Variants in DMTF1 observed in about 807,000 individuals in gnomAD.
The protein encoded by DMTF1 is cyclin D binding myb like transcription factor 1, also known as cyclin-D-binding Myb-like transcription factor 1.
Under a neutral mutation model 91.1 loss-of-function variants are expected in DMTF1, and 39 were observed. That is an observed-to-expected ratio of 0.43 (90% CI 0.33 to 0.56). DMTF1 has a LOEUF of 0.56. Among genes scored for constraint, DMTF1 ranks in the 20% least tolerant of loss-of-function variants. The pLI is 0.05. For missense variants in DMTF1, 750 were observed against 914.5 expected (o/e 0.82, Z 2.32); for synonymous variants, 338 against 309.5 (o/e 1.09, Z -0.97).
intron 1 of DMTF1, among the ~76,000 whole-genome samples, chr7:87,162,333 T>G (rs1017216951): frequency 6.6e-6 from 1 of 152,180 alleles, no homozygotes; most frequent in African/African-American, 2.4e-5. Flanking sequence ...AGTGCTGGGA[T>G]TATAAGGGTG....
Position 87,155,746 on chromosome 7 carries a change from C to T in DMTF1, c.-132+3191C>T, listed in dbSNP as rs923492447. ...GGTTGTGTCTCCCCCACCCCACCCCCGCCCCACCCAAGTTTGTAGAAAGAT... is the reference window on the plus strand; with the variant it reads ...GGTTGTGTCTCCCCCACCCCACCCCTGCCCCACCCAAGTTTGTAGAAAGAT... On this transcript the variant is annotated intron_variant, in intron 1 of 17. Coordinates refer to ENST00000331242, the MANE Select transcript of DMTF1 (RefSeq NM_001142327.2). Among the ~76,000 whole-genome samples the T allele has an allele frequency of 1.3e-4, 19 of 149,600 alleles. 1 individual carries two copies. The highest frequency in any genetic ancestry group is 2.4e-4 in the Non-Finnish European group (16 of 67,368).
At chr7:87,160,190 G>T (rs1262730346) in intron 1 of DMTF1, among the ~76,000 whole-genome samples, 1 of 151,766 alleles carries the variant, frequency 6.6e-6, no homozygotes, top group Non-Finnish European at 1.5e-5. Flanking sequence ...TGTATTCTGT[G>T]TAACAACTGT....
chr7:87,187,945 ATATCT>A (rs1270372839), intron 12 of DMTF1, 142 bp from the exon 13 acceptor site: 12 of 607,148 alleles, frequency 2.0e-5, no homozygotes, highest in African/African-American at 5.6e-5. Context: ...GTTTTTTAAA[ATATCT>A]TATTTTTATA....
intron 14 of DMTF1, 59 bp from the exon 15 acceptor site, chr7:87,193,139 G>GT (rs1392648492): frequency 1.9e-6 from 3 of 1,581,688 alleles, no homozygotes; most frequent in African/African-American, 1.4e-5. Context: ...AACTCAGTCC[G>GT]TTTTTGTATA....
At chr7:87,189,309 T>C (rs1335837676) in intron 13 of DMTF1, among the ~76,000 whole-genome samples, 1 of 152,182 alleles carries the variant, frequency 6.6e-6, no homozygotes, top group Non-Finnish European at 1.5e-5. Flanking sequence ...CCATACCTCT[T>C]ATTCTTAAAA....
At chr7:87,155,296 T>C (rs996022433) in intron 1 of DMTF1, among the ~76,000 whole-genome samples, 1 of 152,246 alleles carries the variant, frequency 6.6e-6, no homozygotes, top group Non-Finnish European at 1.5e-5. Flanking sequence ...TTATATCTTA[T>C]GTAGAGACTG....
intron 8 of DMTF1, among the ~76,000 whole-genome samples, chr7:87,180,006 T>A (rs1796997643): frequency 6.6e-6 from 1 of 152,134 alleles, no homozygotes; most frequent in African/African-American, 2.4e-5. Context: ...AGTGTGAAAA[T>A]AACTTGAAAT....
intron 13 of DMTF1, among the ~76,000 whole-genome samples, chr7:87,189,292 AAACT>A (rs1799206347): frequency 6.6e-6 from 1 of 152,184 alleles, no homozygotes; most frequent in Non-Finnish European, 1.5e-5. Context: ...AGAGACATTT[AAACT>A]AACCATACCT....
intron 4 of DMTF1, among the ~76,000 whole-genome samples, chr7:87,170,133 T>A (rs975364683): frequency 1.3e-5 from 2 of 152,178 alleles, no homozygotes; most frequent in Non-Finnish European, 2.9e-5. Context: ...TTTAAAAAAA[T>A]TTAACGTTAT....
chr7:87,195,217 AC>A lies in DMTF1; in HGVS notation c.*82del. ...CAACCTCTTCAAAGAAATAGGAGCA[AC>A]CCCCAAGAGGCTTAATTTACCAATT... On this transcript the variant is annotated 3_prime_UTR_variant, in exon 18 of 18. Coordinates refer to ENST00000331242, the MANE Select transcript of DMTF1 (RefSeq NM_001142327.2). 9.7e-7 allele frequency: 1 copy of A among 1,028,368 alleles called. No homozygotes were observed. Among genetic ancestry groups the A allele is most frequent in the East Asian group, 2.4e-5 (1 of 41,318 alleles). The allele number at this position is 1,028,368 out of a possible 1,614,324, so 63.7% of individuals were successfully genotyped here. A position where few individuals can be genotyped will look rare whatever the true frequency, so the allele number is the denominator to read the frequency against.
chr7:87,193,177 T>G, intron 14 of DMTF1, 21 bp from the exon 15 acceptor site: 1 of 1,611,936 alleles, frequency 6.2e-7, no homozygotes, highest in South Asian at 1.1e-5. Context: ...ATTGTTAAAC[T>G]ATCTTTCCTT....
At chr7:87,185,786 G>T (rs564488331) in intron 11 of DMTF1, 43 bp from the exon 12 acceptor site, 1 of 1,609,714 alleles carries the variant, frequency 6.2e-7, no homozygotes, top group African/African-American at 1.3e-5. Flanking sequence ...TTCTTATAGA[G>T]AAATTAATTT....
chr7:87,170,922 T>TC (rs1003801544), intron 4 of DMTF1, 73 bp from the exon 5 acceptor site: 10 of 969,744 alleles, frequency 1.0e-5, no homozygotes, highest in African/African-American at 9.8e-5. Flanking sequence ...ATGTTTTTTT[T>TC]CCCATGGATA....
intron 2 of DMTF1, among the ~76,000 whole-genome samples, chr7:87,163,920 C>CTGTACCCAGCTATTCGGGTGGCTAA (rs1793133027): frequency 6.6e-6 from 1 of 151,928 alleles, no homozygotes; most frequent in Non-Finnish European, 1.5e-5. Context: ...TGGCACGTGC[C>CTGTACCCAGCTATTCGGGTGGCTAA]TGTACCCAGC....
intron 14 of DMTF1, 30 bp from the exon 15 acceptor site, chr7:87,193,168 T>C: frequency 6.2e-7 from 1 of 1,610,830 alleles, no homozygotes; most frequent in Non-Finnish European, 8.5e-7. Context: ...GACTTAATCA[T>C]TGTTAAACTA....
At chr7:87,191,359 TA>T (rs1251009705) in intron 14 of DMTF1, among the ~76,000 whole-genome samples, 4 of 152,120 alleles carry the variant, frequency 2.6e-5, no homozygotes, top group South Asian at 4.1e-4. Context: ...ATTCATTCAG[TA>T]AACACTGTAC....
In DMTF1 at chr7:87,193,602, C is replaced by T. The variant is rs555501727; in HGVS notation, c.1651-123C>T. On this transcript the variant is annotated intron_variant, in intron 15 of 17. Coordinates refer to ENST00000331242, the MANE Select transcript of DMTF1 (RefSeq NM_001142327.2). ...CCCTAGCAAGTAAAGGACAAGGGTT[C>T]TAGAAAAATAGTGATAAAAGTATTT... 179 of 1,022,928 alleles carry T rather than the reference C, an allele frequency of 1.7e-4. 2 individuals are homozygous for T. In the South Asian group the frequency reaches 2.8e-3, roughly 16 times the overall value. 63.4% of individuals were successfully genotyped at this position (1,022,928 alleles called of 1,614,324 possible).
intron 2 of DMTF1, chr7:87,164,260 G>A (rs922385197): frequency 6.6e-6 from 1 of 152,058 alleles, no homozygotes; most frequent in Non-Finnish European, 1.5e-5. Context: ...CTAGCCATGA[G>A]ATGCTATATT....
At chr7:87,170,325 G>A (rs1457230157) in intron 4 of DMTF1, among the ~76,000 whole-genome samples, 1 of 152,138 alleles carries the variant, frequency 6.6e-6, no homozygotes, top group African/African-American at 2.4e-5. Flanking sequence ...CAGCCAGAGT[G>A]AGCCTCTTAA....
Sources: gnomAD v4.1 joint callset for allele counts (sites outside exome capture counted in the v4.1 genomes callset) on GRCh38, gnomAD v4.1.1 for gene constraint, MANE v1.5 for transcripts, NCBI Gene and HGNC (gene_info 2026-07-23, HGNC 2026-07-21) for gene names.